PLEKHA7: variants seen among roughly 807,000 people sequenced by gnomAD.
The protein encoded by PLEKHA7 is pleckstrin homology domain-containing family A member 7.
PLEKHA7 carries 104 observed loss-of-function variants against 170.0 expected under a neutral mutation model. The observed-to-expected ratio is 0.61, with a 90% confidence interval of 0.52 to 0.72. PLEKHA7 has a LOEUF of 0.72. Among genes scored for constraint, PLEKHA7 ranks in the 30% least tolerant of loss-of-function variants. The probability of loss-of-function intolerance (pLI) is 0.00; values close to 1 mark genes in which losing one functional copy is unlikely to be tolerated. For synonymous variants in PLEKHA7, 648 were observed against 660.8 expected (o/e 0.98, Z 0.30); for missense variants, 1,615 against 1,671.7 (o/e 0.97, Z 0.59).
intron 6 of PLEKHA7, 34 bp downstream of exon 6, chr11:16,854,855 T>C: frequency 6.3e-7 from 1 of 1,582,164 alleles, no homozygotes; most frequent in Non-Finnish European, 8.7e-7. Context: ...CCAGAGCCAT[T>C]TCCTCCAGGA....
At position 16,871,177 on chromosome 11, in the gene PLEKHA7, T is replaced by C. The variant is rs1382075625; in HGVS notation, c.227A>G (p.Asn76Ser). ...EEGASYFIDH[N>S]QQTTAFRHPV... ...ATGCCTGAATGCTGTGGTCTGCTGG[T>C]TATGGCTAAAGAGAAAGAGAGAAGA... The change falls in exon 4 of 27, where the codon AAC becomes AGC. Residue 76 changes from asparagine to serine, a missense_variant. Asn to Ser is a conservative substitution (Grantham distance 46). Transcript: ENST00000531066. 1 of 1,606,096 alleles carries C rather than the reference T, an allele frequency of 6.2e-7. No individual in the cohort carries two copies. Among genetic ancestry groups the C allele is most frequent in the Admixed American group, 1.7e-5 (1 of 59,964 alleles).
chr11:16,963,746 G>C (rs1226933273), intron 3 of PLEKHA7, among the ~76,000 whole-genome samples: 1 of 152,194 alleles, frequency 6.6e-6, no homozygotes, highest in Non-Finnish European at 1.5e-5. Flanking sequence ...GTATCCAAAA[G>C]GACAGGGACA....
intron 3 of PLEKHA7, among the ~76,000 whole-genome samples, chr11:16,982,545 C>T (rs970257627): frequency 2.0e-5 from 3 of 152,186 alleles, no homozygotes; most frequent in East Asian, 1.9e-4. Context: ...GAACCCTAGA[C>T]GAAAGCAGGA....
chr11:16,995,197 A>G (rs1864267449), intron 3 of PLEKHA7, among the ~76,000 whole-genome samples: 1 of 152,214 alleles, frequency 6.6e-6, no homozygotes, highest in Non-Finnish European at 1.5e-5. Context: ...CAAGCTAGTC[A>G]GTGGCAGGGC....
intron 3 of PLEKHA7, among the ~76,000 whole-genome samples, chr11:16,908,906 G>A (rs188909301): frequency 8.5e-5 from 13 of 152,324 alleles, no homozygotes; most frequent in Admixed American, 1.3e-4. Flanking sequence ...CTGGAGAAGA[G>A]GAGCAGGCAG....
intron 10 of PLEKHA7, among the ~76,000 whole-genome samples, chr11:16,825,791 T>C (rs184604803): frequency 6.6e-6 from 1 of 152,370 alleles, no homozygotes; most frequent in Non-Finnish European, 1.5e-5. Flanking sequence ...ATCATTTACA[T>C]GCTGAATGTC....
In PLEKHA7 at chr11:16,827,969, TTGCAACAACTTCAGAACC is replaced by T. The variant is rs556424168; in HGVS notation, c.873-1397_873-1380del. On this transcript the variant is annotated intron_variant, in intron 9 of 26. Transcript: ENST00000531066. Reference sequence around the variant, plus strand: ...TTCGGTGGCCACACCCCAGGTGTCTTTGCAACAACTTCAGAACCTCAGCTATCAATAAACAACACAGAT... The same window carrying T: ...TTCGGTGGCCACACCCCAGGTGTCTTTCAGCTATCAATAAACAACACAGAT... 4.2e-3 allele frequency among the ~76,000 whole-genome samples: 646 copies of T among 152,300 alleles called. 1 individual carries two copies. Among genetic ancestry groups the T allele is most frequent in the African/African-American group, 0.014 (575 of 41,578 alleles).
intron 3 of PLEKHA7, among the ~76,000 whole-genome samples, chr11:16,972,290 T>A (rs1178399563): frequency 5.3e-5 from 8 of 151,988 alleles, no homozygotes; most frequent in Non-Finnish European, 1.2e-4. Context: ...CTCAGCTAAT[T>A]TTTGTATTTT....
intron 3 of PLEKHA7, among the ~76,000 whole-genome samples, chr11:16,959,276 CAT>C (rs1861902566): frequency 6.6e-6 from 1 of 151,902 alleles, no homozygotes; most frequent in African/African-American, 2.4e-5. Flanking sequence ...TCTTTGCTCT[CAT>C]GAGTTCCCAT....
At chr11:16,847,820 C>T (rs984687003) in intron 8 of PLEKHA7, among the ~76,000 whole-genome samples, 18 of 130,312 alleles carry the variant, frequency 1.4e-4, no homozygotes, top group Non-Finnish European at 2.5e-4. Flanking sequence ...CCAGCCCGGG[C>T]GACAAGAGCG....
chr11:16,986,299 T>G (rs902416818), intron 3 of PLEKHA7, among the ~76,000 whole-genome samples: 1 of 152,124 alleles, frequency 6.6e-6, no homozygotes, highest in Non-Finnish European at 1.5e-5. Flanking sequence ...TATGAGTTGG[T>G]GACAGTGGGG....
intron 3 of PLEKHA7, among the ~76,000 whole-genome samples, chr11:16,887,424 C>T (rs1039811973): frequency 1.3e-5 from 2 of 151,386 alleles, no homozygotes; most frequent in Non-Finnish European, 2.9e-5. Flanking sequence ...TCTCTTTCCA[C>T]GGTCTCCCTC....
chr11:16,812,832 G>T (rs1849471327), intron 13 of PLEKHA7, among the ~76,000 whole-genome samples: 1 of 152,212 alleles, frequency 6.6e-6, no homozygotes, highest in African/African-American at 2.4e-5. Context: ...TGCTTTTGGA[G>T]GGACCTTTTT....
chr11:16,892,432 G>GTGTTTTGTTTTTTTT (rs1856698619), intron 3 of PLEKHA7, among the ~76,000 whole-genome samples: 1 of 114,946 alleles, frequency 8.7e-6, no homozygotes, highest in African/African-American at 3.6e-5. Flanking sequence ...GTGTGTGTGT[G>GTGTTTTGTTTTTTTT]TGTTTTGTTT....
chr11:16,868,185 CTA>C (rs948222524), intron 4 of PLEKHA7, among the ~76,000 whole-genome samples: 3 of 152,160 alleles, frequency 2.0e-5, no homozygotes, highest in African/African-American at 7.2e-5. Context: ...CCATTGAACC[CTA>C]TGTTTCCTCT....
At chr11:16,880,382 G>A (rs959950890) in intron 3 of PLEKHA7, among the ~76,000 whole-genome samples, 3 of 152,172 alleles carry the variant, frequency 2.0e-5, no homozygotes, top group Non-Finnish European at 2.9e-5. Flanking sequence ...GATTAATTCC[G>A]ACTCTGCATT....
At chr11:16,871,475 C>T (rs1313440917) in intron 3 of PLEKHA7, among the ~76,000 whole-genome samples, 2 of 152,176 alleles carry the variant, frequency 1.3e-5, no homozygotes, top group Non-Finnish European at 2.9e-5. Context: ...GAAGTACTTA[C>T]TCCAGCAAAC....
chr11:16,913,388 C>T (rs1312495469), intron 3 of PLEKHA7, among the ~76,000 whole-genome samples: 2 of 152,152 alleles, frequency 1.3e-5, no homozygotes, highest in African/African-American at 2.4e-5. Flanking sequence ...ATTCAGAAAC[C>T]CTACCTGGTG....
chr11:16,952,395 CAT>C (rs1206567466), intron 3 of PLEKHA7, among the ~76,000 whole-genome samples: 1 of 152,142 alleles, frequency 6.6e-6, no homozygotes. Flanking sequence ...AAAAGCAAAA[CAT>C]AGAGTGCTTG....
Sources: gnomAD v4.1 joint callset for allele counts (sites outside exome capture counted in the v4.1 genomes callset) on GRCh38, gnomAD v4.1.1 for gene constraint, MANE v1.5 for transcripts, NCBI Gene and HGNC (gene_info 2026-07-23, HGNC 2026-07-21) for gene names.